Variants in TOP2A observed in about 807,000 individuals in gnomAD.
The protein encoded by TOP2A is DNA topoisomerase II alpha.
Under a neutral mutation model 187.2 loss-of-function variants are expected in TOP2A, and 68 were observed. The observed-to-expected ratio is 0.36, with a 90% CI of 0.30 to 0.44. The LOEUF is 0.44. TOP2A is among the 20% of genes least tolerant of loss of function. The probability of loss-of-function intolerance (pLI) is 1.00; values close to 1 mark genes in which losing one functional copy is unlikely to be tolerated. For missense variants in TOP2A, 1,196 were observed against 1,808.7 expected, an observed-to-expected ratio of 0.66 and a Z score of 6.14; for synonymous variants, 542 against 593.2, an observed-to-expected ratio of 0.91 and a Z score of 1.25.
Position 40,392,766 on chromosome 17 carries a change from T to G in TOP2A, c.3812-29A>C, listed in dbSNP as rs201967204. 1.0e-5 allele frequency: 16 copies of G among 1,571,150 alleles called. No individual in the cohort carries two copies. The African/African-American group carries it at 1.8e-4, about 17-fold the overall frequency. On this transcript the variant is annotated intron_variant, in intron 29 of 34. Transcript: ENST00000423485. ...GAGGGGAGATAGAAATTAATCACCT[T>G]TATATATTAGACCCACTTTTCTCCA...
intron 34 of TOP2A, 72 bp downstream of exon 34, chr17:40,389,893 T>C: frequency 1.4e-6 from 2 of 1,451,216 alleles, no homozygotes; most frequent in Non-Finnish European, 1.8e-6. Context: ...ATGCCAAATT[T>C]TTAAGAGCAA....
intron 30 of TOP2A, 55 bp from the exon 31 acceptor site, chr17:40,392,396 C>T (rs1385221640): frequency 6.5e-7 from 1 of 1,528,774 alleles, no homozygotes; most frequent in African/African-American, 1.4e-5. Flanking sequence ...AGAAACAATT[C>T]ATAGGTTGAC....
intron 27 of TOP2A, 24 bp from the exon 28 acceptor site, chr17:40,396,489 A>C (rs751763799): frequency 1.3e-6 from 2 of 1,599,516 alleles, no homozygotes; most frequent in African/African-American, 2.7e-5. Flanking sequence ...ATAAGAAAGC[A>C]AGTTTAAATG....
At chr17:40,401,954 T>C (rs973918231) in intron 20 of TOP2A, among the ~76,000 whole-genome samples, 2 of 152,172 alleles carry the variant, frequency 1.3e-5, no homozygotes, top group South Asian at 4.1e-4. Flanking sequence ...GGTCTTTAGA[T>C]TTTACTCTGA....
In TOP2A at chr17:40,413,474, C is replaced by T; in HGVS notation, c.478+6G>A. On this transcript the variant is annotated splice_donor_region_variant and intron_variant, in intron 5 of 34. Coordinates refer to ENST00000423485, the MANE Select transcript of TOP2A (RefSeq NM_001067.4). ...ACAAATATGTTATTTCCCCTCAATA[C>T]TCTACCTGTCACTTTCTTTTCATCA... 2 of 1,524,242 alleles carry T rather than the reference C, an allele frequency of 1.3e-6. No individual in the cohort carries two copies. The highest frequency in any genetic ancestry group is 1.4e-5 in the African/African-American group (1 of 71,566). 94.4% of individuals were successfully genotyped at this position (1,524,242 alleles called of 1,614,324 possible).
chr17:40,407,125 G>A (rs1255410689), intron 13 of TOP2A, among the ~76,000 whole-genome samples, 183 bp from the exon 14 acceptor site: 1 of 152,178 alleles, frequency 6.6e-6, no homozygotes, highest in Admixed American at 6.5e-5. Flanking sequence ...TTAGTTGGGT[G>A]TGGTGGCATC....
In TOP2A at chr17:40,404,825, T is replaced by C. The variant is rs1354250910; in HGVS notation, c.2012A>G (p.Asp671Gly). The C allele has an allele frequency of 6.2e-7, 1 of 1,605,390 alleles. No homozygotes were observed. Among genetic ancestry groups the C allele is most frequent in the Non-Finnish European group, 8.5e-7 (1 of 1,175,378 alleles). Residue 671 changes from aspartate (D) to glycine (G), a missense_variant, in exon 17 of 35, where the codon GAT becomes GGT. By Grantham distance (94) the Asp-to-Gly change is moderately conservative (BLOSUM62 -1). Around this residue, in one of 10 missense-constraint regions of TOP2A, gnomAD observed 209 missense variants for 376.9 expected, o/e 0.55. Transcript: ENST00000423485. ...CCCAAGTAACTTTCGTTGTCTTCTA[T>C]CCTCCATGAAATTAGTTAACCATTC... ...RKEWLTNFME[D>G]RRQRKLLGLP...
In TOP2A at chr17:40,398,856, T is replaced by C. The variant is rs377111582; in HGVS notation, c.3370A>G (p.Thr1124Ala). The C allele has an allele frequency of 8.1e-6, 13 of 1,613,782 alleles. No homozygotes were observed. The highest frequency in any genetic ancestry group is 6.7e-5 in the African/African-American group (5 of 74,942). ...GGCATATCAAGAAGATAGTTGAAGG[T>C]TGGTCCAGAATCTGTTACGGAGTCA... ...KSDSVTDSGP[T>A]FNYLLDMPLW... Residue 1124 changes from threonine to alanine, a missense_variant, in exon 26 of 35, where the codon ACC becomes GCC. Coordinates refer to ENST00000423485, the MANE Select transcript of TOP2A (RefSeq NM_001067.4).
chr17:40,391,849 A>G (rs965113423), intron 32 of TOP2A: 1 of 780,654 alleles, frequency 1.3e-6, no homozygotes, highest in Non-Finnish European at 2.0e-6. Flanking sequence ...AGCACCTAGC[A>G]AAGTACCTGG....
intron 29 of TOP2A, among the ~76,000 whole-genome samples, chr17:40,393,745 T>C (rs183733794): frequency 4.4e-4 from 67 of 152,254 alleles, no homozygotes; most frequent in African/African-American, 1.4e-3. Flanking sequence ...CAGACCTAAA[T>C]GTAAGAGCTA....
At position 40,404,218 on chromosome 17, in the gene TOP2A, C is replaced by T; in HGVS notation, c.2217G>A (p.Lys739=). 6.2e-7 allele frequency: 1 copy of T among 1,613,890 alleles called. No individual in the cohort carries two copies. The highest frequency in any genetic ancestry group is 8.5e-7 in the Non-Finnish European group (1 of 1,179,838). Residue 739 remains lysine, a synonymous_variant, in exon 19 of 35, where the codon AAG becomes AAA. Transcript: ENST00000423485. ...CTAATTGGGCAACCTTTACTTCTCG[C>T]TTGTCATTCCGTTTGAAGCAAGTAA... is the stretch of plus-strand genomic sequence containing the variant. ...VLFTCFKRND[K]REVKVAQLAG...
chr17:40,412,688 A>G, intron 7 of TOP2A, 71 bp downstream of exon 7: 1 of 1,305,984 alleles, frequency 7.7e-7, no homozygotes, highest in Non-Finnish European at 1.1e-6. Context: ...GGGAGGGGAA[A>G]AAATTCAATT....
chr17:40,393,447 G>C (rs190772550), intron 29 of TOP2A, among the ~76,000 whole-genome samples: 2 of 152,160 alleles, frequency 1.3e-5, no homozygotes, highest in Admixed American at 1.3e-4. Context: ...GAGATAGAAG[G>C]ATTGCTTGAG....
intron 27 of TOP2A, among the ~76,000 whole-genome samples, chr17:40,397,129 C>T (rs2035110822): frequency 6.6e-6 from 1 of 152,034 alleles, no homozygotes; most frequent in Non-Finnish European, 1.5e-5. Flanking sequence ...AAGTGATCCT[C>T]CTGCCTCAGC....
At chr17:40,405,857 C>T (rs1275824120) in intron 16 of TOP2A, among the ~76,000 whole-genome samples, 2 of 151,960 alleles carry the variant, frequency 1.3e-5, no homozygotes, top group Non-Finnish European at 2.9e-5. Flanking sequence ...ACCTCTGCCT[C>T]TCGGGTTCAA....
At position 40,412,882 on chromosome 17, in the gene TOP2A, A is replaced by T. The variant is rs774741572; in HGVS notation, c.666T>A (p.Asp222Glu). The T allele has an allele frequency of 3.7e-6, 6 of 1,613,974 alleles. No homozygotes were observed. Among genetic ancestry groups the T allele is most frequent in the African/African-American group, 1.3e-5 (1 of 75,056 alleles). The change falls in exon 7 of 35, where the codon GAT (aspartate) becomes GAA (glutamate). Residue 222 changes from aspartate (D) to glutamate (E), a missense_variant. Asp to Glu is a conservative substitution (Grantham distance 45). This residue lies in a region of TOP2A where 252 missense variants were observed against 434.8 expected (regional missense o/e 0.58). Coordinates refer to ENST00000423485, the MANE Select transcript of TOP2A (RefSeq NM_001067.4). ...EDYTCITFQPDLSKFKMQSLD... is the reference protein window; with the variant it reads ...EDYTCITFQPELSKFKMQSLD... ...GGCTTTGCATTTTAAACTTAGACAA[A>T]TCAGGCTGAAAGGTGATACATGTAT...
chr17:40,389,433 G>A lies in TOP2A; in HGVS notation c.*86C>T, dbSNP rs1172432079. ...AAACACCTTCCCCAAACTAAATTCA[G>A]AGGGGAGGAAGTTAAGAGCTTCAGG... On this transcript the variant is annotated 3_prime_UTR_variant, in exon 35 of 35. Coordinates refer to ENST00000423485, the MANE Select transcript of TOP2A (RefSeq NM_001067.4). 14 of 1,454,434 alleles carry A rather than the reference G, an allele frequency of 9.6e-6. No homozygotes were observed. The highest frequency in any genetic ancestry group is 1.3e-5 in the Non-Finnish European group (14 of 1,084,698). 90.1% of individuals were successfully genotyped at this position (1,454,434 alleles called of 1,614,324 possible).
chr17:40,413,961 A>AT (rs567820335), intron 4 of TOP2A, among the ~76,000 whole-genome samples: 10 of 152,114 alleles, frequency 6.6e-5, no homozygotes, highest in Admixed American at 3.9e-4. Context: ...CCAGCCCTCA[A>AT]TTTTTTTGGC....
At chr17:40,396,137 G>A in intron 28 of TOP2A, 146 bp downstream of exon 28, 1 of 506,412 alleles carries the variant, frequency 2.0e-6, no homozygotes, top group South Asian at 2.9e-5. Flanking sequence ...CTGCCACCAT[G>A]CCCGCCTAAT....
Sources: gnomAD v4.1 joint callset for allele counts (sites outside exome capture counted in the v4.1 genomes callset) on GRCh38, gnomAD v4.1.1 for gene constraint, gnomAD v4.1.1 regional missense constraint, MANE v1.5 for transcripts, NCBI Gene and HGNC (gene_info 2026-07-23, HGNC 2026-07-21) for gene names.